Variants in PDE4B observed in about 807,000 individuals in gnomAD.
PDE4B encodes 3',5'-cyclic-AMP phosphodiesterase 4B.
Under a neutral mutation model 82.2 loss-of-function variants are expected in PDE4B, and 20 were observed. The ratio of observed to expected loss-of-function variants is 0.24; its 90% CI spans 0.17 to 0.35. The LOEUF is 0.35. Among genes scored for constraint, PDE4B ranks in the 10% least tolerant of loss-of-function variants. The probability of loss-of-function intolerance (pLI) is 1.00; values close to 1 mark genes in which losing one functional copy is unlikely to be tolerated. For synonymous variants in PDE4B, 320 were observed against 318.9 expected (o/e 1.00, Z -0.04); for missense variants, 655 against 907.2 (o/e 0.72, Z 3.57).
intron 3 of PDE4B, among the ~76,000 whole-genome samples, chr1:66,025,981 C>T (rs2455030): frequency 0.98 from 149,400 of 152,328 alleles, 73,319 homozygotes; most frequent in Middle Eastern, 1. Flanking sequence ...TCTCAGAATA[C>T]AAACCTTTAA....
chr1:65,838,110 A>C (rs12734395), intron 1 of PDE4B, among the ~76,000 whole-genome samples: 1 of 152,034 alleles, frequency 6.6e-6, no homozygotes, highest in Non-Finnish European at 1.5e-5. Flanking sequence ...GTTTGAAGGG[A>C]TTGGGTTTTT....
chr1:66,026,798 G>A (rs1482344606), intron 3 of PDE4B, among the ~76,000 whole-genome samples: 1 of 152,164 alleles, frequency 6.6e-6, no homozygotes, highest in East Asian at 1.9e-4. Flanking sequence ...ATAGATGAAA[G>A]TATATCCTCA....
intron 3 of PDE4B, among the ~76,000 whole-genome samples, chr1:66,165,477 T>G (rs1164379281): frequency 6.6e-6 from 1 of 152,042 alleles, no homozygotes; most frequent in Non-Finnish European, 1.5e-5. Flanking sequence ...ATATAATTTT[T>G]ATAGAGACAA....
chr1:66,179,494 A>G (rs926672139), intron 3 of PDE4B, among the ~76,000 whole-genome samples: 1 of 133,864 alleles, frequency 7.5e-6, no homozygotes, highest in Non-Finnish European at 1.6e-5. Flanking sequence ...CTGCTCAAAC[A>G]TCAAAAATGT....
intron 4 of PDE4B, among the ~76,000 whole-genome samples, chr1:66,256,391 A>G (rs1300356286): frequency 6.6e-6 from 1 of 152,234 alleles, no homozygotes; most frequent in Non-Finnish European, 1.5e-5. Context: ...TACAATAATT[A>G]AATGAGATAA....
chr1:65,847,555 T>C (rs1646281094), intron 1 of PDE4B, among the ~76,000 whole-genome samples: 1 of 152,194 alleles, frequency 6.6e-6, no homozygotes, highest in South Asian at 2.1e-4. Context: ...TGAATCCCTT[T>C]GTGATTATAG....
intron 3 of PDE4B, among the ~76,000 whole-genome samples, chr1:66,097,495 A>G (rs779496233): frequency 2.0e-5 from 3 of 152,066 alleles, no homozygotes; most frequent in Non-Finnish European, 2.9e-5. Context: ...TTATTTATAA[A>G]CACTGGATAT....
At chr1:65,907,828 A>AAGGAGATGAGT (rs1553198643) in intron 1 of PDE4B, among the ~76,000 whole-genome samples, 1 of 152,170 alleles carries the variant, frequency 6.6e-6, no homozygotes, top group African/African-American at 2.4e-5. Context: ...TCTCATCTAA[A>AAGGAGATGAGT]AGGAGATGAG....
intron 7 of PDE4B, among the ~76,000 whole-genome samples, chr1:66,289,433 G>C (rs1174560428): frequency 6.6e-6 from 1 of 152,104 alleles, no homozygotes; most frequent in Non-Finnish European, 1.5e-5. Flanking sequence ...CCAAGGAGGT[G>C]ATATTTCTAT....
intron 3 of PDE4B, among the ~76,000 whole-genome samples, chr1:66,080,900 A>G (rs574505199): frequency 8.6e-4 from 131 of 152,082 alleles, no homozygotes; most frequent in African/African-American, 2.6e-3. Flanking sequence ...CCTTGCTCCT[A>G]TCCCTCTCTC....
intron 3 of PDE4B, among the ~76,000 whole-genome samples, chr1:66,009,717 G>A (rs148095763): frequency 4.4e-4 from 67 of 152,128 alleles, no homozygotes; most frequent in African/African-American, 1.6e-3. Flanking sequence ...CTTATTTCAG[G>A]TGGTGTCTTG....
intron 3 of PDE4B, among the ~76,000 whole-genome samples, chr1:66,051,786 A>G (rs943474573): frequency 1.3e-5 from 2 of 152,142 alleles, no homozygotes; most frequent in Non-Finnish European, 2.9e-5. Context: ...AACATTTGAT[A>G]TGTTTTCTGG....
chr1:66,228,643 A>C lies in PDE4B; in HGVS notation c.282-18817A>C, dbSNP rs1011844335. 2.9e-3 allele frequency among the ~76,000 whole-genome samples: 423 copies of C among 145,944 alleles called. 6 individuals are homozygous for C. Among genetic ancestry groups the C allele is most frequent in the Non-Finnish European group, 5.0e-3 (325 of 65,414 alleles). ...GACTCCGTTAAAAAAAAAAAAAAAA[A>C]CATGCTATAGTGACTAAACAGGGCT... On this transcript the variant is annotated intron_variant, in intron 3 of 16. Transcript: ENST00000341517.
At chr1:65,852,201 A>G (rs1274667256) in intron 1 of PDE4B, among the ~76,000 whole-genome samples, 3 of 152,008 alleles carry the variant, frequency 2.0e-5, no homozygotes, top group Non-Finnish European at 2.9e-5. Flanking sequence ...TGGTTAGACT[A>G]TCAGGGTTAT....
intron 3 of PDE4B, among the ~76,000 whole-genome samples, chr1:66,099,687 C>A (rs1047429229): frequency 1.3e-5 from 2 of 151,998 alleles, no homozygotes; most frequent in African/African-American, 4.8e-5. Context: ...TGAACATATG[C>A]AAGAAATTGA....
At chr1:66,030,262 G>T (rs1297289012) in intron 3 of PDE4B, among the ~76,000 whole-genome samples, 1 of 152,112 alleles carries the variant, frequency 6.6e-6, no homozygotes, top group Non-Finnish European at 1.5e-5. Context: ...CTAGTATTCT[G>T]TTGAGGATTT....
intron 3 of PDE4B, among the ~76,000 whole-genome samples, chr1:66,134,267 A>G (rs1457219364): frequency 6.6e-6 from 1 of 152,202 alleles, no homozygotes; most frequent in Admixed American, 6.5e-5. Flanking sequence ...CTTTGAATAA[A>G]CCAAAGCAAT....
chr1:65,989,018 T>C (rs1342637157), intron 3 of PDE4B, among the ~76,000 whole-genome samples: 1 of 152,210 alleles, frequency 6.6e-6, no homozygotes, highest in East Asian at 1.9e-4. Context: ...CTGTAATTAA[T>C]TGACCTTTCT....
chr1:66,104,170 T>C (rs984665610), intron 3 of PDE4B, among the ~76,000 whole-genome samples: 1 of 148,498 alleles, frequency 6.7e-6, no homozygotes, highest in Non-Finnish European at 1.5e-5. Flanking sequence ...TTCCCACCTA[T>C]GAGTGAGAAT....
Sources: allele counts gnomAD v4.1 joint callset (sites outside exome capture counted in the v4.1 genomes callset), GRCh38; gene constraint gnomAD v4.1.1; transcripts MANE v1.5; gene names NCBI Gene and HGNC (gene_info 2026-07-23, HGNC 2026-07-21).